Variants in XAGE3 observed in about 807,000 individuals in gnomAD.
The protein encoded by XAGE3 is CT12.3.
Under a neutral mutation model 9.2 loss-of-function variants are expected in XAGE3, and 6 were observed. The ratio of observed to expected loss-of-function variants is 0.65; its 90% CI spans 0.36 to 1.29. The LOEUF (loss-of-function observed/expected upper bound fraction) is 1.29. Among genes scored for constraint, XAGE3 ranks in the 50% most tolerant of loss-of-function variants. The probability of loss-of-function intolerance (pLI) is 0.03; values close to 1 mark genes in which losing one functional copy is unlikely to be tolerated. For missense variants in XAGE3, 70 were observed against 82.8 expected, an observed-to-expected ratio of 0.85 and a Z score of 0.60; for synonymous variants, 26 against 28.2, an observed-to-expected ratio of 0.92 and a Z score of 0.25.
intron 3 of XAGE3, 116 bp downstream of exon 3, chrX:52,866,317 T>G: frequency 3.8e-6 from 3 of 783,082 alleles, no homozygotes; most frequent in Non-Finnish European, 5.9e-6. Flanking sequence ...CAGCAAATGT[T>G]TGAGATCCTT....
intron 3 of XAGE3, 62 bp from the exon 4 acceptor site, chrX:52,864,962 T>A: frequency 8.6e-7 from 1 of 1,166,103 alleles, no homozygotes; most frequent in South Asian, 1.9e-5. Context: ...AAGGAAATGA[T>A]AATATTCTTT....
At chrX:52,864,530 A>C (rs1927836583) in intron 4 of XAGE3, among the ~76,000 whole-genome samples, 1 of 112,018 alleles carries the variant, frequency 8.9e-6, no homozygotes. Context: ...GAAAATTGTT[A>C]GTTGTTGGGT....
At chrX:52,865,639 C>T (rs1927867573) in intron 3 of XAGE3, among the ~76,000 whole-genome samples, 1 of 111,925 alleles carries the variant, frequency 8.9e-6, no homozygotes, top group Admixed American at 9.5e-5. Flanking sequence ...TCTTTAAAAG[C>T]CCCTTAAAAT....
At chrX:52,867,497 C>G (rs1327274516) in intron 1 of XAGE3, among the ~76,000 whole-genome samples, 2 of 111,443 alleles carry the variant, frequency 1.8e-5, no homozygotes, top group South Asian at 7.6e-4. Context: ...CCATTTCCCC[C>G]CTAAAATCAA....
rs782046747 is a variant in XAGE3 at position 52,866,434 on chromosome X, T to C, written c.186A>G (p.Gln62=). The C allele has an allele frequency of 2.5e-6, 3 of 1,209,903 alleles. No homozygotes were observed. The highest frequency in any genetic ancestry group is 3.5e-5 in the South Asian group (2 of 56,891). ...REEDQGAAET[Q]VPDLEADLQE... ...ATTCTTTCTTTCCCTTCCCAGCACC[T>C]TGAGTCTCAGCTGCACCCTGATCTT... The change falls in exon 3 of 5, where the codon CAA becomes CAG. Residue 62 remains glutamine, a splice_region_variant and synonymous_variant. Transcript: ENST00000346279.
chrX:52,862,772 T>C, intron 4 of XAGE3, 132 bp from the exon 5 acceptor site: 1 of 807,810 alleles, frequency 1.2e-6, no homozygotes, highest in Non-Finnish European at 1.8e-6. Context: ...AGTAACCTGA[T>C]GGCTAACATT....
At position 52,864,812 on chromosome X, in the gene XAGE3, A is replaced by G. The variant is rs1556784209; in HGVS notation, c.276T>C (p.Ile92=). 2 of 1,211,491 alleles carry G rather than the reference A, an allele frequency of 1.7e-6. No homozygotes were observed. The highest frequency in any genetic ancestry group is 4.3e-5 in the Admixed American group (2 of 46,009). The change falls in exon 4 of 5, where the codon ATT becomes ATC. Residue 92 remains isoleucine (I), a synonymous_variant. Coordinates refer to ENST00000346279, the MANE Select transcript of XAGE3 (RefSeq NM_133179.3). The stretch of plus-strand genomic sequence containing the variant: ...TTTTAAATTGTTCTGATTTTGGCAG[A>G]ATCTTCCCCTGGTCATCAGGACCAT... ...CGNGPDDQGK[I]LPKSEQFKMP...
intron 1 of XAGE3, among the ~76,000 whole-genome samples, chrX:52,867,708 CTG>C (rs1194070269): frequency 1.0e-3 from 116 of 110,839 alleles, no homozygotes; most frequent in Admixed American, 4.1e-3. Flanking sequence ...ACGGAGGAGT[CTG>C]GAATCCGTCC....
At chrX:52,863,964 A>C (rs1556784077) in intron 4 of XAGE3, among the ~76,000 whole-genome samples, 1 of 111,822 alleles carries the variant, frequency 8.9e-6, no homozygotes, top group Non-Finnish European at 1.9e-5. Flanking sequence ...TATCTTCCTA[A>C]GAATACAATT....
At position 52,864,851 on chromosome X, in the gene XAGE3, C is replaced by A. The variant is rs782537632; in HGVS notation, c.237G>T (p.Gly79=). 1.7e-6 allele frequency: 2 copies of A among 1,211,461 alleles called. No homozygotes were observed. The highest frequency in any genetic ancestry group is 2.2e-6 in the Non-Finnish European group (2 of 895,211). The part of the protein sequence containing the change: ...DLQELSQSKT[G]GECGNGPDDQ... The stretch of plus-strand genomic sequence containing the variant: ...CATCAGGACCATTTCCACATTCACC[C>A]CCAGTCTTTGACTGAGACAGCTCCT... The change falls in exon 4 of 5, where the codon GGG becomes GGT. Residue 79 remains glycine (G), a synonymous_variant. Transcript: ENST00000346279.
intron 1 of XAGE3, 162 bp from the exon 2 acceptor site, chrX:52,867,303 G>A (rs2146550202): frequency 2.2e-6 from 1 of 446,888 alleles, no homozygotes; most frequent in East Asian, 3.9e-5. Context: ...TGAATGCTTG[G>A]GAAGCCATTA....
chrX:52,863,024 T>C (rs1927792623), intron 4 of XAGE3, among the ~76,000 whole-genome samples: 1 of 112,191 alleles, frequency 8.9e-6, no homozygotes, highest in Non-Finnish European at 1.9e-5. Flanking sequence ...TTACAAACAA[T>C]GTATCATGTA....
chrX:52,862,695 A>G, intron 4 of XAGE3, 55 bp from the exon 5 acceptor site: 1 of 1,196,021 alleles, frequency 8.4e-7, no homozygotes, highest in Non-Finnish European at 1.1e-6. Flanking sequence ...TATTCAGATG[A>G]CATTAAAGGT....
At position 52,866,487 on chromosome X, in the gene XAGE3, C is replaced by T. The variant is rs782588113; in HGVS notation, c.133G>A (p.Asp45Asn). Reference protein sequence around the residue: ...QQEEPPTESRDPAPGQEREED... With the variant: ...QQEEPPTESRNPAPGQEREED... ...TCTCTCTCCTGACCAGGTGCAGGAT[C>T]CCGACTTTCAGTTGGTGGTTCCTCT... The change falls in exon 3 of 5, where the codon GAT (aspartate) becomes AAT (asparagine). Residue 45 changes from aspartate (D) to asparagine (N), a missense_variant. Coordinates refer to ENST00000346279, the MANE Select transcript of XAGE3 (RefSeq NM_133179.3). 5 of 1,211,434 alleles carry T rather than the reference C, an allele frequency of 4.1e-6. No individual in the cohort carries two copies. In the South Asian group the frequency reaches 8.8e-5, roughly 21 times the overall value.
At chrX:52,866,030 A>G (rs1927875493) in intron 3 of XAGE3, among the ~76,000 whole-genome samples, 1 of 111,393 alleles carries the variant, frequency 9.0e-6, no homozygotes, top group African/African-American at 3.3e-5. Context: ...GGCTTTATTC[A>G]GTGTATTCAG....
Position 52,862,652 on chromosome X carries a change from A to C in XAGE3, c.314-12T>G, listed in dbSNP as rs781897146. 2 of 1,210,818 alleles carry C rather than the reference A, an allele frequency of 1.7e-6. No homozygotes were observed. Among genetic ancestry groups the C allele is most frequent in the South Asian group, 3.5e-5 (2 of 56,673 alleles). On this transcript the variant is annotated splice_polypyrimidine_tract_variant and intron_variant, in intron 4 of 4. Coordinates refer to ENST00000346279, the MANE Select transcript of XAGE3 (RefSeq NM_133179.3). ...TGGTTGCCTGTCACCTATAATAGAAATATAACAGGAGGGAACATTAGTAGC... is the reference window on the plus strand; with the variant it reads ...TGGTTGCCTGTCACCTATAATAGAACTATAACAGGAGGGAACATTAGTAGC...
chrX:52,865,886 A>G (rs1927872741), intron 3 of XAGE3, among the ~76,000 whole-genome samples: 1 of 112,057 alleles, frequency 8.9e-6, no homozygotes, highest in Non-Finnish European at 1.9e-5. Flanking sequence ...TTCTAATGTG[A>G]ATGGTAGGGA....
In XAGE3 at chrX:52,866,382, C is replaced by T. The variant is rs782008795; in HGVS notation, c.187+51G>A. 8 of 1,132,174 alleles carry T rather than the reference C, an allele frequency of 7.1e-6. No homozygotes were observed. In the South Asian group the frequency reaches 9.1e-5, roughly 13 times the overall value. The allele number at this position is 1,132,174 out of a possible 1,213,427, so 93.3% of individuals were successfully genotyped here. A position where few individuals can be genotyped will look rare whatever the true frequency, so the allele number is the denominator to read the frequency against. On this transcript the variant is annotated intron_variant, in intron 3 of 4. Coordinates refer to ENST00000346279, the MANE Select transcript of XAGE3 (RefSeq NM_133179.3). ...GTCATGGCATAAGGCATGATGCACA[C>T]ATAGGCCTCCTCCCCTCCCCATAGA...
chrX:52,862,554 TC>T lies in XAGE3; in HGVS notation c.*63del. ...TTGGAGAAAGCTGCAAAAGTTTATT[TC>T]GATATTTTTAAGTCAAATATCTTAG... On this transcript the variant is annotated 3_prime_UTR_variant, in exon 5 of 5. Transcript: ENST00000346279. 2.5e-6 allele frequency: 3 copies of T among 1,180,934 alleles called. No individual in the cohort carries two copies. The highest frequency in any genetic ancestry group is 3.4e-6 in the Non-Finnish European group (3 of 873,275).
Sources: allele counts gnomAD v4.1 joint callset (sites outside exome capture counted in the v4.1 genomes callset), GRCh38; gene constraint gnomAD v4.1.1; transcripts MANE v1.5; gene names NCBI Gene and HGNC (gene_info 2026-07-23, HGNC 2026-07-21).